The following GPC6 variants were observed in gnomAD, a reference collection of about 807,000 sequenced individuals.
GPC6 encodes the protein glypican-6.
GPC6 carries 14 observed loss-of-function variants against 55.2 expected under a neutral mutation model. That is an observed-to-expected ratio of 0.25 (90% CI 0.17 to 0.40). GPC6 has a LOEUF of 0.40. Ranked by LOEUF, GPC6 falls within the 10% of genes least tolerant of loss-of-function variation. The pLI, the probability that GPC6 is intolerant of heterozygous loss-of-function variation, is 1.00. For synonymous variants in GPC6, 278 were observed against 259.6 expected, an observed-to-expected ratio of 1.07 and a Z score of -0.68; for missense variants, 641 against 708.5, an observed-to-expected ratio of 0.90 and a Z score of 1.08.
chr13:93,351,623 A>G (rs1220141287), intron 1 of GPC6, among the ~76,000 whole-genome samples: 4 of 152,210 alleles, frequency 2.6e-5, no homozygotes, highest in African/African-American at 9.6e-5. Flanking sequence ...TAGATGGACA[A>G]TTGAGATGAT....
intron 3 of GPC6, among the ~76,000 whole-genome samples, chr13:93,869,780 C>G (rs1224607667): frequency 6.6e-6 from 1 of 151,866 alleles, no homozygotes; most frequent in Non-Finnish European, 1.5e-5. Context: ...GCTGCATTCT[C>G]TCTAAATATG....
At chr13:93,313,486 T>A (rs534637525) in intron 1 of GPC6, among the ~76,000 whole-genome samples, 2 of 152,288 alleles carry the variant, frequency 1.3e-5, no homozygotes, top group African/African-American at 4.8e-5. Flanking sequence ...CAGCATAGCC[T>A]TTAGCCCATT....
At chr13:93,653,719 T>C (rs541982528) in intron 2 of GPC6, among the ~76,000 whole-genome samples, 158 of 152,174 alleles carry the variant, frequency 1.0e-3, no homozygotes, top group African/African-American at 3.5e-3. Flanking sequence ...TTTGAGTAGA[T>C]TTAATCTCAA....
At chr13:93,296,567 T>G (rs546436960) in intron 1 of GPC6, among the ~76,000 whole-genome samples, 1 of 152,146 alleles carries the variant, frequency 6.6e-6, no homozygotes, top group Admixed American at 6.5e-5. Flanking sequence ...GCCTTCCATA[T>G]CCGTACCTCT....
rs182461355 is a variant in GPC6, at chr13:93,415,640, T to C, written c.161-129623T>C. ...AGAATACCATGCTTTCTAGCACCAA[T>C]ACAGTGTTTGTTGTTGTTGCTGTTT... On this transcript the variant is annotated intron_variant, in intron 1 of 8. Transcript: ENST00000377047. Among the ~76,000 whole-genome samples, 11 of 152,218 alleles carry C rather than the reference T, an allele frequency of 7.2e-5. No individual in the cohort carries two copies. The East Asian group carries it at 1.9e-3, about 27-fold the overall frequency.
At chr13:93,567,664 T>G (rs1037149410) in intron 2 of GPC6, among the ~76,000 whole-genome samples, 1 of 152,116 alleles carries the variant, frequency 6.6e-6, no homozygotes, top group African/African-American at 2.4e-5. Context: ...TTCAAAACAT[T>G]TTGAATACAC....
intron 1 of GPC6, among the ~76,000 whole-genome samples, chr13:93,300,430 C>T (rs909443605): frequency 2.6e-5 from 4 of 151,152 alleles, no homozygotes; most frequent in African/African-American, 4.9e-5. Context: ...GGGCGGATCA[C>T]GAGGTCAGGA....
At chr13:94,302,345 C>T (rs1208104634) in intron 5 of GPC6, among the ~76,000 whole-genome samples, 6 of 152,014 alleles carry the variant, frequency 3.9e-5, no homozygotes, top group East Asian at 3.9e-4. Flanking sequence ...GGGTGCTGTC[C>T]GGATCATTTG....
chr13:93,867,908 A>G (rs922096923), intron 3 of GPC6, among the ~76,000 whole-genome samples: 48 of 151,756 alleles, frequency 3.2e-4, no homozygotes, highest in African/African-American at 1.2e-3. Context: ...CAAAGCCTGT[A>G]TGGACCTGAA....
rs753078504 is a variant in GPC6, at chr13:94,325,775, G to A, written c.1152+19652G>A. 2.0e-5 allele frequency among the ~76,000 whole-genome samples: 3 copies of A among 152,092 alleles called. No homozygotes were observed. In the East Asian group the frequency reaches 5.8e-4, roughly 29 times the overall value. ...CCAACCCTTTTGATCCGTGTGACCC[G>A]AAGAGCTCTTTGGTTTACCATGTTT... is the stretch of plus-strand genomic sequence containing the variant. On this transcript the variant is annotated intron_variant, in intron 6 of 8. Transcript: ENST00000377047.
chr13:93,417,281 A>G (rs1360778538), intron 1 of GPC6, among the ~76,000 whole-genome samples: 1 of 152,068 alleles, frequency 6.6e-6, no homozygotes, highest in East Asian at 1.9e-4. Context: ...CCTTGGAGTA[A>G]TGTTAAGTTA....
chr13:93,387,737 AC>A (rs1875461667), intron 1 of GPC6, among the ~76,000 whole-genome samples: 1 of 152,162 alleles, frequency 6.6e-6, no homozygotes, highest in Non-Finnish European at 1.5e-5. Flanking sequence ...AATTTGCTCA[AC>A]CAAACTCTTG....
intron 2 of GPC6, among the ~76,000 whole-genome samples, chr13:93,819,514 C>A (rs953334478): frequency 1.3e-5 from 2 of 152,168 alleles, no homozygotes; most frequent in Non-Finnish European, 2.9e-5. Flanking sequence ...AAACAGGCAT[C>A]CCACACTCTG....
At chr13:93,900,951 C>G (rs1002138246) in intron 3 of GPC6, among the ~76,000 whole-genome samples, 5 of 152,146 alleles carry the variant, frequency 3.3e-5, no homozygotes, top group African/African-American at 1.2e-4. Flanking sequence ...TGAGGCCCAG[C>G]TGTTCTATCC....
intron 4 of GPC6, among the ~76,000 whole-genome samples, chr13:94,030,539 G>C (rs898977570): frequency 1.3e-5 from 2 of 152,198 alleles, no homozygotes; most frequent in Non-Finnish European, 2.9e-5. Context: ...TCAGATGACA[G>C]TGTTACAGTG....
chr13:94,121,921 A>T lies in GPC6; in HGVS notation c.877+94027A>T, dbSNP rs573173205. Among the ~76,000 whole-genome samples, 24 of 152,206 alleles carry T rather than the reference A, an allele frequency of 1.6e-4. No homozygotes were observed. In the South Asian group the frequency reaches 4.1e-3, roughly 26 times the overall value. ...CCAACCACTCATTCCATGCTTCAGC[A>T]CAACTGTTCTGATATGAGTCATATC... On this transcript the variant is annotated intron_variant, in intron 4 of 8. Coordinates refer to ENST00000377047, the MANE Select transcript of GPC6 (RefSeq NM_005708.5).
At chr13:94,328,139 G>A (rs982908955) in intron 6 of GPC6, among the ~76,000 whole-genome samples, 3 of 152,214 alleles carry the variant, frequency 2.0e-5, no homozygotes, top group African/African-American at 7.2e-5. Flanking sequence ...ATTTACATGA[G>A]AAACTTATTA....
intron 1 of GPC6, among the ~76,000 whole-genome samples, chr13:93,330,387 G>A (rs955660167): frequency 6.6e-6 from 1 of 152,124 alleles, no homozygotes; most frequent in Non-Finnish European, 1.5e-5. Flanking sequence ...GCCATATGTG[G>A]TAGTGTGGTA....
intron 4 of GPC6, among the ~76,000 whole-genome samples, chr13:94,128,700 A>G (rs909957649): frequency 1.3e-5 from 2 of 152,186 alleles, no homozygotes; most frequent in South Asian, 2.1e-4. Context: ...AGAAATTGCA[A>G]TGCTGCCATG....
Sources: gnomAD v4.1 joint callset for allele counts (sites outside exome capture counted in the v4.1 genomes callset) on GRCh38, gnomAD v4.1.1 for gene constraint, MANE v1.5 for transcripts, NCBI Gene and HGNC (gene_info 2026-07-23, HGNC 2026-07-21) for gene names.